PRELID2: variants seen among roughly 807,000 people sequenced by gnomAD.
The protein encoded by PRELID2 is PRELI domain containing 2, also known as PRELI domain-containing protein 2.
A neutral mutation model predicts 28.4 loss-of-function variants in PRELID2; 25 were observed. That is an observed-to-expected ratio of 0.88 (90% confidence interval 0.64 to 1.23). The LOEUF (loss-of-function observed/expected upper bound fraction) is 1.23, where lower values mean the gene tolerates loss of function less well. Ranked by LOEUF, PRELID2 falls within the 50% of genes most tolerant of loss-of-function variation. The pLI is 0.00. For missense variants in PRELID2, 201 were observed against 214.4 expected (o/e 0.94, Z 0.39); for synonymous variants, 76 against 71.6 (o/e 1.06, Z -0.31).
At chr5:145,559,892 T>C (rs918454145) in intron 1 of PRELID2, among the ~76,000 whole-genome samples, 11 of 150,650 alleles carry the variant, frequency 7.3e-5, no homozygotes, top group East Asian at 1.9e-4. Flanking sequence ...CTTTATTGTA[T>C]AGGAGAAGAA....
intron 1 of PRELID2, among the ~76,000 whole-genome samples, chr5:145,747,278 TAGC>T (rs1316900663): frequency 1.4e-5 from 2 of 140,354 alleles, no homozygotes; most frequent in Non-Finnish European, 3.1e-5. Context: ...ATTAACAAAA[TAGC>T]AGCTAGACTA....
At chr5:145,506,065 C>A (rs945654007) in intron 1 of PRELID2, among the ~76,000 whole-genome samples, 1 of 152,102 alleles carries the variant, frequency 6.6e-6, no homozygotes, top group Non-Finnish European at 1.5e-5. Flanking sequence ...GATAACAATG[C>A]TATGTTGCAT....
chr5:145,778,657 C>T (rs528886857), intron 5 of PRELID2, among the ~76,000 whole-genome samples: 57 of 152,338 alleles, frequency 3.7e-4, no homozygotes, highest in Non-Finnish European at 6.6e-4. Context: ...GCCTGTCCCA[C>T]GGCAGCAGCT....
the PRELID2 span, among the ~76,000 whole-genome samples, chr5:145,456,857 G>A: frequency 6.6e-5 from 10 of 152,282 alleles, no homozygotes; most frequent in South Asian, 1.9e-3. Flanking sequence ...TATGCATCAA[G>A]TAGTGCAGCA....
the PRELID2 span, among the ~76,000 whole-genome samples, chr5:145,407,476 G>A: frequency 6.6e-6 from 1 of 152,080 alleles, no homozygotes; most frequent in Non-Finnish European, 1.5e-5. Context: ...GAGAGTCTGA[G>A]CTCAGACATG....
intron 5 of PRELID2, among the ~76,000 whole-genome samples, chr5:145,765,564 T>C (rs1250079192): frequency 6.6e-6 from 1 of 152,126 alleles, no homozygotes; most frequent in African/African-American, 2.4e-5. Flanking sequence ...GGATGACTGG[T>C]ATGTACAGCG....
chr5:145,723,651 C>G (rs999568749), intron 1 of PRELID2, among the ~76,000 whole-genome samples: 2 of 152,112 alleles, frequency 1.3e-5, no homozygotes, highest in African/African-American at 4.8e-5. Context: ...ACTGAGATAC[C>G]ATTTCTCTTC....
At chr5:145,661,278 A>G (rs1327879046) in intron 1 of PRELID2, among the ~76,000 whole-genome samples, 1 of 152,170 alleles carries the variant, frequency 6.6e-6, no homozygotes, top group Admixed American at 6.5e-5. Flanking sequence ...GCTTTTCCTT[A>G]CGTTTCAGTA....
intron 1 of PRELID2, among the ~76,000 whole-genome samples, chr5:145,540,934 G>C (rs1316939355): frequency 2.0e-5 from 3 of 151,844 alleles, no homozygotes; most frequent in Admixed American, 6.6e-5. Context: ...TAGAGGCTAC[G>C]TTTTCAGTTT....
At chr5:145,717,103 AAT>A (rs1755865392) in intron 1 of PRELID2, among the ~76,000 whole-genome samples, 1 of 152,192 alleles carries the variant, frequency 6.6e-6, no homozygotes, top group Non-Finnish European at 1.5e-5. Context: ...GAATCAGAAA[AAT>A]ATGTTTATTA....
At chr5:145,469,498 T>C (rs1752032646), downstream of PRELID2, among the ~76,000 whole-genome samples, 1 of 152,088 alleles carries the variant, frequency 6.6e-6, no homozygotes, top group African/African-American at 2.4e-5. Flanking sequence ...AACTGCTCCC[T>C]TACTCAGAGT....
At chr5:145,621,692 G>A (rs1463717024) in intron 1 of PRELID2, among the ~76,000 whole-genome samples, 1 of 152,182 alleles carries the variant, frequency 6.6e-6, no homozygotes, top group Non-Finnish European at 1.5e-5. Context: ...GCATCAAAGG[G>A]TAGGGGGAAT....
chr5:145,601,456 A>G (rs895636471), intron 1 of PRELID2, among the ~76,000 whole-genome samples: 1 of 152,214 alleles, frequency 6.6e-6, no homozygotes, highest in African/African-American at 2.4e-5. Flanking sequence ...ACGAACAGAA[A>G]AAAATATTTC....
chr5:145,600,430 A>AT (rs797007372), intron 1 of PRELID2, among the ~76,000 whole-genome samples: 5,774 of 124,960 alleles, frequency 0.046, 206 homozygotes, highest in Admixed American at 0.11. Context: ...GAAAAAAAAA[A>AT]AAAAATATAT....
At chr5:145,798,322 A>C (rs1454079622) in intron 4 of PRELID2, among the ~76,000 whole-genome samples, 1 of 152,164 alleles carries the variant, frequency 6.6e-6, no homozygotes, top group Non-Finnish European at 1.5e-5. Flanking sequence ...GCCTATTTGA[A>C]GAAATAATGG....
chr5:145,427,265 G>A, the PRELID2 span, among the ~76,000 whole-genome samples: 1 of 152,156 alleles, frequency 6.6e-6, no homozygotes, highest in Non-Finnish European at 1.5e-5. Context: ...AAACAGAGAA[G>A]AACACTAAGA....
the PRELID2 span, among the ~76,000 whole-genome samples, chr5:145,278,066 T>C: frequency 3.9e-5 from 6 of 152,146 alleles, no homozygotes; most frequent in Non-Finnish European, 5.9e-5. Context: ...CAGAAATCTA[T>C]TGGACATCTT....
At chr5:145,505,054 A>G (rs377108684) in intron 1 of PRELID2, among the ~76,000 whole-genome samples, 10 of 152,292 alleles carry the variant, frequency 6.6e-5, no homozygotes, top group East Asian at 1.9e-4. Flanking sequence ...ATTGTCATTC[A>G]ATAACACAGC....
At chr5:145,351,096 AT>A in the PRELID2 span, among the ~76,000 whole-genome samples, 1 of 152,324 alleles carries the variant, frequency 6.6e-6, no homozygotes, top group African/African-American at 2.4e-5. Context: ...AGGCCAAAAG[AT>A]AAAGTGACTT....
Sources: gnomAD v4.1 joint callset for allele counts (sites outside exome capture counted in the v4.1 genomes callset) on GRCh38, gnomAD v4.1.1 for gene constraint, MANE v1.5 for transcripts, NCBI Gene and HGNC (gene_info 2026-07-23, HGNC 2026-07-21) for gene names.